NEO1: variants seen among roughly 807,000 people sequenced by gnomAD.
NEO1 encodes the protein neogenin 1.
A neutral mutation model predicts 159.7 loss-of-function variants in NEO1; 63 were observed. That is an observed-to-expected ratio of 0.39 (90% CI 0.32 to 0.49). The LOEUF is 0.49. NEO1 is among the 20% of genes least tolerant of loss of function. The pLI is 0.85. For synonymous variants in NEO1, 633 were observed against 662.0 expected (o/e 0.96, Z 0.67); for missense variants, 1,615 against 1,831.0 (o/e 0.88, Z 2.15).
intron 1 of NEO1, among the ~76,000 whole-genome samples, chr15:73,097,383 C>T (rs1219121523): frequency 5.0e-5 from 6 of 120,120 alleles, no homozygotes; most frequent in Admixed American, 8.6e-5. Context: ...TTTTTGAGAC[C>T]GAGTCTTACT....
intron 7 of NEO1, among the ~76,000 whole-genome samples, chr15:73,187,483 A>G (rs2035996386): frequency 6.6e-6 from 1 of 152,224 alleles, no homozygotes; most frequent in African/African-American, 2.4e-5. Flanking sequence ...ATCACAAACT[A>G]TCACGGCTGA....
chr15:73,227,325 G>T (rs956753669), intron 7 of NEO1, among the ~76,000 whole-genome samples: 2 of 152,160 alleles, frequency 1.3e-5, no homozygotes, highest in African/African-American at 4.8e-5. Context: ...GTGAAACCCC[G>T]TCTCTGCTAA....
At chr15:73,093,571 C>CT (rs758201657) in intron 1 of NEO1, among the ~76,000 whole-genome samples, 3,960 of 141,528 alleles carry the variant, frequency 0.028, 81 homozygotes, top group Non-Finnish European at 0.043. Context: ...TGGGAAGTTC[C>CT]TTTTTTTTTT....
chr15:73,181,326 G>A lies in NEO1; in HGVS notation c.1291+2899G>A, dbSNP rs13380336. Among the ~76,000 whole-genome samples, 1,306 of 152,300 alleles carry A rather than the reference G, an allele frequency of 8.6e-3. 23 individuals carry two copies. Among genetic ancestry groups the A allele is most frequent in the African/African-American group, 0.03 (1,235 of 41,562 alleles). The stretch of plus-strand genomic sequence containing the variant: ...AAGACAGAGTGCAAGCTGGTTGAAG[G>A]AAAATTGTTATGAGGCCATTGTGAG... On this transcript the variant is annotated intron_variant, in intron 7 of 28. Transcript: ENST00000261908.
intron 7 of NEO1, among the ~76,000 whole-genome samples, chr15:73,231,126 C>A (rs2038884808): frequency 6.6e-6 from 1 of 152,004 alleles, no homozygotes; most frequent in African/African-American, 2.4e-5. Context: ...AATATTCTGT[C>A]AAAAACTGCT....
At chr15:73,159,057 G>GT (rs35453351) in intron 5 of NEO1, among the ~76,000 whole-genome samples, 87 of 152,262 alleles carry the variant, frequency 5.7e-4, no homozygotes, top group Non-Finnish European at 1.1e-3. Context: ...GAGCCCCGGA[G>GT]TTTGAGTTCT....
chr15:73,240,741 G>A (rs559990254), intron 8 of NEO1, among the ~76,000 whole-genome samples: 24 of 152,280 alleles, frequency 1.6e-4, no homozygotes, highest in African/African-American at 5.1e-4. Context: ...TGAAAGCAGC[G>A]ACTTGAAGTG....
intron 7 of NEO1, among the ~76,000 whole-genome samples, chr15:73,229,818 C>G (rs1175789255): frequency 6.6e-6 from 1 of 151,658 alleles, no homozygotes; most frequent in African/African-American, 2.4e-5. Context: ...TTTCTTTTTT[C>G]TCTTAATGTG....
intron 8 of NEO1, among the ~76,000 whole-genome samples, chr15:73,242,581 A>G (rs1190874233): frequency 6.6e-6 from 1 of 152,170 alleles, no homozygotes; most frequent in South Asian, 2.1e-4. Context: ...AGGGCACAAG[A>G]ATCCCTTGGA....
At chr15:73,204,548 C>T (rs1312168898) in intron 7 of NEO1, among the ~76,000 whole-genome samples, 1 of 152,064 alleles carries the variant, frequency 6.6e-6, no homozygotes, top group African/African-American at 2.4e-5. Context: ...TCTTTCCACA[C>T]CCACGTTGAA....
intron 5 of NEO1, among the ~76,000 whole-genome samples, chr15:73,155,579 T>C (rs983067): frequency 0.71 from 107,393 of 152,084 alleles, 38,991 homozygotes; most frequent in African/African-American, 0.89. Flanking sequence ...GATTTTTCTT[T>C]CCCCTCAGGA....
At chr15:73,254,863 T>A in intron 13 of NEO1, 34 bp downstream of exon 13, 1 of 1,589,520 alleles carries the variant, frequency 6.3e-7, no homozygotes, top group Non-Finnish European at 8.5e-7. Context: ...AAAGGTACAC[T>A]GTGTCTTTCT....
intron 8 of NEO1, 45 bp downstream of exon 8, chr15:73,236,551 C>T (rs767957271): frequency 8.3e-6 from 13 of 1,569,676 alleles, no homozygotes; most frequent in East Asian, 2.2e-5. Flanking sequence ...CTCTTGGTCA[C>T]GGCAGCCTTG....
intron 7 of NEO1, among the ~76,000 whole-genome samples, chr15:73,193,432 C>T (rs1408388554): frequency 6.6e-6 from 1 of 151,830 alleles, no homozygotes; most frequent in African/African-American, 2.4e-5. Context: ...TTTCAAAATT[C>T]ACTGTATCAC....
At chr15:73,251,788 T>C (rs182286616) in intron 11 of NEO1, among the ~76,000 whole-genome samples, 6 of 152,312 alleles carry the variant, frequency 3.9e-5, no homozygotes, top group Admixed American at 2.6e-4. Context: ...TTGGTTCCGA[T>C]GCCAGGTGAA....
intron 8 of NEO1, among the ~76,000 whole-genome samples, chr15:73,238,673 A>C (rs2039328591): frequency 9.2e-5 from 14 of 152,084 alleles, no homozygotes; most frequent in Admixed American, 9.2e-4. Flanking sequence ...AAGCCATAAC[A>C]GGAAAGAGTA....
At chr15:73,225,947 G>A (rs1398654689) in intron 7 of NEO1, among the ~76,000 whole-genome samples, 5 of 152,160 alleles carry the variant, frequency 3.3e-5, no homozygotes, top group Non-Finnish European at 7.3e-5. Context: ...TGGGGACCTA[G>A]TGAGCTCCCG....
At chr15:73,279,422 C>T (rs1011807656) in intron 22 of NEO1, among the ~76,000 whole-genome samples, 6 of 140,828 alleles carry the variant, frequency 4.3e-5, no homozygotes, top group African/African-American at 1.3e-4. Context: ...GATCTCAGTT[C>T]ACTGCAGCCT....
intron 1 of NEO1, among the ~76,000 whole-genome samples, chr15:73,103,310 T>A (rs1331395180): frequency 6.6e-6 from 1 of 152,208 alleles, no homozygotes; most frequent in Non-Finnish European, 1.5e-5. Flanking sequence ...TCCAAACTTA[T>A]TAGCTTAATG....
Sources: allele counts gnomAD v4.1 joint callset (sites outside exome capture counted in the v4.1 genomes callset), GRCh38; gene constraint gnomAD v4.1.1; transcripts MANE v1.5; gene names NCBI Gene and HGNC (gene_info 2026-07-23, HGNC 2026-07-21).